FGF12: variants seen among roughly 807,000 people sequenced by gnomAD.
FGF12 encodes the protein fibroblast growth factor 12B.
FGF12 carries 14 observed loss-of-function variants against 23.6 expected under a neutral mutation model. The ratio of observed to expected loss-of-function variants is 0.59; its 90% CI spans 0.39 to 0.93. The LOEUF is 0.93. Among genes scored for constraint, FGF12 ranks in the 40% least tolerant of loss-of-function variants. The pLI, the probability that FGF12 is intolerant of heterozygous loss-of-function variation, is 0.00. For missense variants in FGF12, 175 were observed against 217.8 expected (o/e 0.80, Z 1.24); for synonymous variants, 62 against 77.3 (o/e 0.80, Z 1.04).
chr3:192,667,607 TAAAA>T (rs59867848), intron 2 of FGF12, among the ~76,000 whole-genome samples: 9,478 of 75,952 alleles, frequency 0.12, 1,352 homozygotes, highest in East Asian at 0.42. Flanking sequence ...CGAGACTCCG[TAAAA>T]AAAAAAAAAA....
intron 5 of FGF12, 23 bp downstream of exon 5, chr3:192,170,435 A>AAGAC: frequency 6.2e-7 from 1 of 1,606,438 alleles, no homozygotes; most frequent in African/African-American, 1.3e-5. Context: ...GGGTCCAACA[A>AAGAC]AGACAGTCAG....
chr3:192,208,153 T>C (rs1227943587), intron 4 of FGF12, among the ~76,000 whole-genome samples: 1 of 152,202 alleles, frequency 6.6e-6, no homozygotes, highest in African/African-American at 2.4e-5. Flanking sequence ...TTATTAAAAA[T>C]CTTCATGGAT....
At chr3:192,529,567 C>T (rs1725036828) in intron 2 of FGF12, among the ~76,000 whole-genome samples, 1 of 152,174 alleles carries the variant, frequency 6.6e-6, no homozygotes, top group Non-Finnish European at 1.5e-5. Flanking sequence ...CCCCACTCTA[C>T]TGGTATCAAT....
intron 2 of FGF12, among the ~76,000 whole-genome samples, chr3:192,683,438 C>T (rs78517868): frequency 6.6e-6 from 1 of 152,012 alleles, no homozygotes. Context: ...GTGGCAGCAT[C>T]GGTGTTATGT....
chr3:192,557,719 T>C (rs1475416280), intron 2 of FGF12, among the ~76,000 whole-genome samples: 1 of 151,828 alleles, frequency 6.6e-6, no homozygotes, highest in Admixed American at 6.6e-5. Flanking sequence ...CATGTATTTA[T>C]TACCAGGTGG....
chr3:192,381,783 T>G (rs1314464058), intron 2 of FGF12, among the ~76,000 whole-genome samples: 1 of 152,028 alleles, frequency 6.6e-6, no homozygotes, highest in Non-Finnish European at 1.5e-5. Context: ...GACTTTTTGG[T>G]GAATTTTTTT....
At chr3:192,353,577 G>A (rs1718326895) in intron 3 of FGF12, among the ~76,000 whole-genome samples, 2 of 152,046 alleles carry the variant, frequency 1.3e-5, no homozygotes, top group Admixed American at 1.3e-4. Context: ...CACTGTGTTA[G>A]CCAGGATGGT....
At chr3:192,311,776 A>G (rs1339649450) in intron 4 of FGF12, among the ~76,000 whole-genome samples, 2 of 152,282 alleles carry the variant, frequency 1.3e-5, no homozygotes, top group Middle Eastern at 3.4e-3. Flanking sequence ...AGTGTATAAG[A>G]GTTCCCATTT....
At position 192,377,892 on chromosome 3, in the gene FGF12, C is replaced by A. The variant is rs553148731; in HGVS notation, c.14-17354G>T. 3.9e-5 allele frequency among the ~76,000 whole-genome samples: 6 copies of A among 152,180 alleles called. No individual in the cohort carries two copies. The East Asian group carries it at 9.7e-4, about 25-fold the overall frequency. The stretch of plus-strand genomic sequence containing the variant: ...GATGTTTTCCCTAGAGAATTGAAAA[C>A]CACCAGTGAGGAAAGCTGTTCTTAT... On this transcript the variant is annotated intron_variant, in intron 2 of 5. Coordinates refer to ENST00000445105, the MANE Select transcript of FGF12 (RefSeq NM_004113.6).
Position 192,672,700 on chromosome 3 carries a change from T to C in FGF12, c.13+54481A>G, listed in dbSNP as rs1466350335. Among the ~76,000 whole-genome samples, 4 of 151,100 alleles carry C rather than the reference T, an allele frequency of 2.6e-5. 1 individual carries two copies. The highest frequency in any genetic ancestry group is 5.9e-5 in the Non-Finnish European group (4 of 67,518). On this transcript the variant is annotated intron_variant, in intron 2 of 5. Coordinates refer to ENST00000445105, the MANE Select transcript of FGF12 (RefSeq NM_004113.6). ...ATTGACCCATTTGCTTAAATTTTCA[T>C]AAATGTTTCAGTTGTTGAACATTCT...
intron 4 of FGF12, among the ~76,000 whole-genome samples, chr3:192,242,723 A>C (rs891541353): frequency 1.3e-5 from 2 of 152,072 alleles, no homozygotes; most frequent in Non-Finnish European, 2.9e-5. Context: ...AAAAAAGTTA[A>C]AACCAGTCCT....
At chr3:192,422,925 CAT>C (rs1560106848) in intron 2 of FGF12, among the ~76,000 whole-genome samples, 1 of 152,088 alleles carries the variant, frequency 6.6e-6, no homozygotes, top group Non-Finnish European at 1.5e-5. Flanking sequence ...GCAAAGAAAA[CAT>C]GTGGCTGGGC....
chr3:192,218,853 T>G (rs562468065), intron 4 of FGF12, among the ~76,000 whole-genome samples: 1 of 152,302 alleles, frequency 6.6e-6, no homozygotes, highest in African/African-American at 2.4e-5. Flanking sequence ...TTGCTAGATT[T>G]GCTCCACATT....
At chr3:192,199,465 G>C (rs1465335850) in intron 4 of FGF12, among the ~76,000 whole-genome samples, 1 of 151,892 alleles carries the variant, frequency 6.6e-6, no homozygotes, top group Non-Finnish European at 1.5e-5. Context: ...CAAAGAAACA[G>C]CATTGTCTGC....
chr3:192,185,237 G>A (rs1187671288), intron 4 of FGF12, among the ~76,000 whole-genome samples: 1 of 152,166 alleles, frequency 6.6e-6, no homozygotes. Flanking sequence ...TATTTGCAAT[G>A]ATGACATACT....
At chr3:192,195,113 T>C (rs549318978) in intron 4 of FGF12, among the ~76,000 whole-genome samples, 18 of 152,206 alleles carry the variant, frequency 1.2e-4, no homozygotes, top group Non-Finnish European at 2.6e-4. Context: ...GGCCCACCAA[T>C]TGCTTACCTC....
rs117634814 is a variant in FGF12, at chr3:192,483,093, C to T, written c.14-122555G>A. Among the ~76,000 whole-genome samples, 29 of 152,298 alleles carry T rather than the reference C, an allele frequency of 1.9e-4. No homozygotes were observed. In the East Asian group the frequency reaches 4.2e-3, roughly 22 times the overall value. ...AAGTTCTGCATGCCAGTAACCCTGCCGTCCAGCATTCCTAGACACCTCATT... is the reference window on the plus strand; with the variant it reads ...AAGTTCTGCATGCCAGTAACCCTGCTGTCCAGCATTCCTAGACACCTCATT... On this transcript the variant is annotated intron_variant, in intron 2 of 5. Transcript: ENST00000445105.
chr3:192,453,363 C>T (rs1003370386), intron 2 of FGF12, among the ~76,000 whole-genome samples: 2 of 151,978 alleles, frequency 1.3e-5, no homozygotes, highest in Non-Finnish European at 2.9e-5. Context: ...ATATTTTATA[C>T]ATAGCTCTGT....
intron 2 of FGF12, among the ~76,000 whole-genome samples, chr3:192,569,632 G>A (rs1712502479): frequency 6.6e-6 from 1 of 152,158 alleles, no homozygotes; most frequent in Non-Finnish European, 1.5e-5. Flanking sequence ...TTTATCGCAG[G>A]TAGCCACCAA....
Sources: allele counts gnomAD v4.1 joint callset (sites outside exome capture counted in the v4.1 genomes callset), GRCh38; gene constraint gnomAD v4.1.1; transcripts MANE v1.5; gene names NCBI Gene and HGNC (gene_info 2026-07-23, HGNC 2026-07-21).